EXD1: variants seen among roughly 807,000 people sequenced by gnomAD.
EXD1 encodes the protein piRNA biogenesis protein EXD1.
A neutral mutation model predicts 49.1 loss-of-function variants in EXD1; 63 were observed. The ratio of observed to expected loss-of-function variants is 1.28; its 90% CI spans 1.05 to 1.58. The LOEUF is 1.58. Among genes scored for constraint, EXD1 ranks in the 40% most tolerant of loss-of-function variants. EXD1 has a pLI of 0.00. For synonymous variants in EXD1, 234 were observed against 239.2 expected, an observed-to-expected ratio of 0.98 and a Z score of 0.20; for missense variants, 748 against 666.0, an observed-to-expected ratio of 1.12 and a Z score of -1.36.
chr15:41,189,826 C>T lies in EXD1; in HGVS notation c.1056+111G>A, dbSNP rs2046476607. Reference sequence around the variant, plus strand: ...CTGTTGCCCCTTCAAGAGTATTTATCCCCAAGTTGACCCCATGAAAACTAT... The same window carrying T: ...CTGTTGCCCCTTCAAGAGTATTTATTCCCAAGTTGACCCCATGAAAACTAT... On this transcript the variant is annotated intron_variant, in intron 11 of 11. Coordinates refer to ENST00000458580, the MANE Select transcript of EXD1 (RefSeq NM_001286441.2). 4 of 1,048,098 alleles carry T rather than the reference C, an allele frequency of 3.8e-6. No individual in the cohort carries two copies. The South Asian group carries it at 6.0e-5, about 16-fold the overall frequency. The allele number at this position is 1,048,098 out of a possible 1,614,324, so 64.9% of individuals were successfully genotyped here.
chr15:41,204,285 C>G (rs1338622935), intron 7 of EXD1, among the ~76,000 whole-genome samples: 7 of 140,672 alleles, frequency 5.0e-5, no homozygotes, highest in Non-Finnish European at 1.1e-4. Flanking sequence ...GCACGGTGGC[C>G]CACGCCTGTA....
Position 41,202,459 on chromosome 15 carries a change from G to A in EXD1, c.535-6422C>T, listed in dbSNP as rs552522382. 5.3e-5 allele frequency among the ~76,000 whole-genome samples: 8 copies of A among 151,914 alleles called. No homozygotes were observed. The South Asian group carries it at 1.2e-3, about 24-fold the overall frequency. ...CCCAAAGTGCTAGGATTACAGGTGT[G>A]AGCCACCGCACCCAGCATATATATA... On this transcript the variant is annotated intron_variant, in intron 7 of 11. Transcript: ENST00000458580.
chr15:41,212,418 G>GCACT (rs2046935387), intron 6 of EXD1, among the ~76,000 whole-genome samples: 1 of 152,128 alleles, frequency 6.6e-6, no homozygotes, highest in Non-Finnish European at 1.5e-5. Flanking sequence ...TGGTGCCACT[G>GCACT]CACTCCAGCC....
chr15:41,212,163 G>A (rs576786427), intron 6 of EXD1, among the ~76,000 whole-genome samples: 2 of 151,186 alleles, frequency 1.3e-5, no homozygotes, highest in East Asian at 4.0e-4. Flanking sequence ...TAAAGAAATT[G>A]GAACGGCTGG....
Position 41,189,960 on chromosome 15 carries a change from C to A in EXD1, c.1033G>T (p.Ala345Ser). 6.2e-7 allele frequency: 1 copy of A among 1,614,012 alleles called. No homozygotes were observed. Among genetic ancestry groups the A allele is most frequent in the Non-Finnish European group, 8.5e-7 (1 of 1,179,976 alleles). ...GYLNTYREGS[A>S]DRLGGTEPTC... ...ACCTCAGTGCCTCCAAGCCGGTCTGCAGACCCTTCGCGATACGTGTTTAGG... is the reference window on the plus strand; with the variant it reads ...ACCTCAGTGCCTCCAAGCCGGTCTGAAGACCCTTCGCGATACGTGTTTAGG... Residue 345 changes from alanine to serine, a missense_variant, in exon 11 of 12, where the codon GCA (alanine) becomes TCA (serine). Physicochemically the swap from Ala to Ser is moderately conservative, Grantham distance 99. Transcript: ENST00000458580.
chr15:41,217,651 C>T (rs2047021199), intron 3 of EXD1, among the ~76,000 whole-genome samples: 1 of 151,858 alleles, frequency 6.6e-6, no homozygotes, highest in Non-Finnish European at 1.5e-5. Flanking sequence ...CTGCCTCAGC[C>T]TCCCAAGTCC....
At chr15:41,224,301 G>T (rs559758476) in intron 2 of EXD1, among the ~76,000 whole-genome samples, 3 of 152,228 alleles carry the variant, frequency 2.0e-5, no homozygotes, top group South Asian at 2.1e-4. Flanking sequence ...GGTACCAAGC[G>T]TAGTTCCTGA....
intron 1 of EXD1, among the ~76,000 whole-genome samples, chr15:41,227,766 A>G (rs1277842848): frequency 2.0e-5 from 3 of 151,760 alleles, no homozygotes; most frequent in African/African-American, 7.3e-5. Context: ...GTGGGTACTC[A>G]CCACTGGGTG....
Position 41,217,156 on chromosome 15 carries a change from T to G in EXD1, c.203-2A>C. 6.2e-7 allele frequency: 1 copy of G among 1,611,880 alleles called. No individual in the cohort carries two copies. Among genetic ancestry groups the G allele is most frequent in the Non-Finnish European group, 8.5e-7 (1 of 1,179,742 alleles). On this transcript the variant is annotated splice_acceptor_variant, in intron 3 of 11. Transcript: ENST00000458580. LOFTEE classifies it high-confidence loss of function. ...GTTCCACTTCATCTAGTAGTTCCAC[T>G]GTAAAATAACCAAATGGCTTCCAAC...
At chr15:41,205,492 AGTTGGTTGGGTGCAGTGGCTCAT>A (rs954948465) in intron 7 of EXD1, among the ~76,000 whole-genome samples, 1 of 152,168 alleles carries the variant, frequency 6.6e-6, no homozygotes, top group Non-Finnish European at 1.5e-5. Flanking sequence ...AAGAAAACAA[AGTTGGTTGGGTGCAGTGGCTCAT>A]GCCTGTAATC....
At chr15:41,221,238 G>A (rs2047084049) in intron 2 of EXD1, among the ~76,000 whole-genome samples, 1 of 152,052 alleles carries the variant, frequency 6.6e-6, no homozygotes, top group Admixed American at 6.6e-5. Context: ...AAACAGTCAG[G>A]ATTTAAATTC....
At chr15:41,192,868 T>G (rs1419038971) in intron 9 of EXD1, among the ~76,000 whole-genome samples, 1 of 144,688 alleles carries the variant, frequency 6.9e-6, no homozygotes, top group African/African-American at 2.6e-5. Context: ...CGATCTCGGC[T>G]CACTGCAAGC....
intron 3 of EXD1, 147 bp from the exon 4 acceptor site, chr15:41,217,301 C>A (rs1180944826): frequency 4.7e-6 from 3 of 639,990 alleles, no homozygotes; most frequent in Non-Finnish European, 8.2e-6. Flanking sequence ...TACTGGCCAG[C>A]AATAAATACA....
chr15:41,226,982 A>G (rs1048103150), intron 1 of EXD1, among the ~76,000 whole-genome samples: 7 of 152,218 alleles, frequency 4.6e-5, no homozygotes, highest in African/African-American at 1.7e-4. Flanking sequence ...AAAAAAATTG[A>G]CATACATAGA....
intron 6 of EXD1, among the ~76,000 whole-genome samples, chr15:41,210,058 G>A (rs1488483394): frequency 6.6e-6 from 1 of 152,054 alleles, no homozygotes; most frequent in African/African-American, 2.4e-5. Flanking sequence ...TGGGATTACA[G>A]GCATGCACCA....
At chr15:41,184,945 A>T (rs691011) in intron 11 of EXD1, among the ~76,000 whole-genome samples, 14 of 151,854 alleles carry the variant, frequency 9.2e-5, no homozygotes, top group African/African-American at 3.1e-4. Context: ...CGTGAGCCAT[A>T]GTGCCCGGCC....
Position 41,226,583 on chromosome 15 carries a change from G to A in EXD1, c.-8C>T. The stretch of plus-strand genomic sequence containing the variant: ...GTCACTGCTGGGGTCCATGCTAATT[G>A]ATTCCAAAAGCCGTCTTCAAATAAT... On this transcript the variant is annotated 5_prime_UTR_variant, in exon 2 of 12. Transcript: ENST00000458580. 1 of 1,532,344 alleles carries A rather than the reference G, an allele frequency of 6.5e-7. No homozygotes were observed. Among genetic ancestry groups the A allele is most frequent in the Non-Finnish European group, 8.7e-7 (1 of 1,145,272 alleles). 94.9% of individuals were successfully genotyped at this position (1,532,344 alleles called of 1,614,324 possible).
intron 2 of EXD1, among the ~76,000 whole-genome samples, chr15:41,222,673 T>C (rs2047107524): frequency 6.8e-6 from 1 of 147,358 alleles, no homozygotes; most frequent in Non-Finnish European, 1.5e-5. Flanking sequence ...ACGCGGTGAC[T>C]CACGGCTATA....
chr15:41,223,234 C>T (rs1000883001), intron 2 of EXD1, among the ~76,000 whole-genome samples: 14 of 151,846 alleles, frequency 9.2e-5, no homozygotes, highest in Admixed American at 3.3e-4. Flanking sequence ...GCCTGAGCAA[C>T]ACAGGGAGAC....
Sources: allele counts gnomAD v4.1 joint callset (sites outside exome capture counted in the v4.1 genomes callset), GRCh38; gene constraint gnomAD v4.1.1; transcripts MANE v1.5; gene names NCBI Gene and HGNC (gene_info 2026-07-23, HGNC 2026-07-21).